MAT1A: variants seen among roughly 807,000 people sequenced by gnomAD.
MAT1A encodes methionine adenosyltransferase 1A.
In MAT1A, 19 loss-of-function variants were observed where a neutral mutation model predicts 44.0. The ratio of observed to expected loss-of-function variants is 0.43; its 90% CI spans 0.30 to 0.63. MAT1A has a LOEUF of 0.63. MAT1A is among the 30% of genes least tolerant of loss of function. The probability of loss-of-function intolerance (pLI) is 0.12; values close to 1 mark genes in which losing one functional copy is unlikely to be tolerated. For synonymous variants in MAT1A, 205 were observed against 205.6 expected (o/e 1.00, Z 0.03); for missense variants, 397 against 531.0 (o/e 0.75, Z 2.48).
intron 1 of MAT1A, among the ~76,000 whole-genome samples, chr10:80,286,959 C>G (rs1048480516): frequency 6.6e-6 from 1 of 152,180 alleles, no homozygotes; most frequent in Admixed American, 6.5e-5. Context: ...TTTGTTTAAT[C>G]TAGCCTCCTG....
Position 80,289,336 on chromosome 10 carries a change from G to A in MAT1A, c.88C>T (p.Pro30Ser), listed in dbSNP as rs1313052217. ...FTSESVGEGH[P>S]DKICDQISDA... is the part of the protein sequence containing the mutation. The stretch of plus-strand genomic sequence containing the variant: ...CAGTCCAAGACAGCCTACTTACCCG[G>A]GTGTCCCTCTCCCACAGACTCCGAT... The change falls in exon 1 of 9, where the codon CCG becomes TCG. Residue 30 changes from proline to serine, a missense_variant. By Grantham distance (74) the Pro-to-Ser change is moderately conservative (BLOSUM62 -1). Coordinates refer to ENST00000372213, the MANE Select transcript of MAT1A (RefSeq NM_000429.3). 1.2e-6 allele frequency: 2 copies of A among 1,613,776 alleles called. No homozygotes were observed. Among genetic ancestry groups the A allele is most frequent in the Admixed American group, 1.7e-5 (1 of 59,994 alleles).
intron 7 of MAT1A, 25 bp from the exon 8 acceptor site, chr10:80,274,678 G>T (rs765891294): frequency 1.9e-6 from 3 of 1,613,930 alleles, no homozygotes; most frequent in Admixed American, 1.7e-5. Context: ...CAGCGTCAGG[G>T]ATTGAAGCCT....
intron 1 of MAT1A, 44 bp from the exon 2 acceptor site, chr10:80,285,633 G>T: frequency 1.5e-6 from 2 of 1,293,128 alleles, no homozygotes; most frequent in Non-Finnish European, 2.3e-6. Flanking sequence ...AAATATTCGG[G>T]ATAACAAATT....
chr10:80,277,342 A>G (rs1358290163), intron 5 of MAT1A, among the ~76,000 whole-genome samples: 1 of 152,142 alleles, frequency 6.6e-6, no homozygotes, highest in African/African-American at 2.4e-5. Flanking sequence ...CTGTGCCTGC[A>G]GCAAACTCTC....
At chr10:80,276,870 C>T (rs1283813881) in intron 5 of MAT1A, among the ~76,000 whole-genome samples, 4 of 152,222 alleles carry the variant, frequency 2.6e-5, no homozygotes, top group African/African-American at 4.8e-5. Flanking sequence ...AACTTCTGAC[C>T]CACTACATGT....
At chr10:80,274,730 T>C in intron 7 of MAT1A, 77 bp from the exon 8 acceptor site, 1 of 1,590,920 alleles carries the variant, frequency 6.3e-7, no homozygotes, top group African/African-American at 1.3e-5. Context: ...GCCCTTCTTC[T>C]GAAGGGACCA....
At chr10:80,285,464 G>T in intron 2 of MAT1A, 48 bp downstream of exon 2, 1 of 1,498,150 alleles carries the variant, frequency 6.7e-7, no homozygotes, top group Non-Finnish European at 9.3e-7. Flanking sequence ...TAATTTCTCA[G>T]TCTAGCCCAC....
intron 2 of MAT1A, 109 bp downstream of exon 2, chr10:80,285,403 A>G: frequency 3.5e-6 from 3 of 860,316 alleles, no homozygotes; most frequent in South Asian, 2.7e-5. Flanking sequence ...AGAGCAGAGG[A>G]CATGGATTTT....
At chr10:80,281,799 C>T (rs540507905) in intron 3 of MAT1A, among the ~76,000 whole-genome samples, 68 of 152,342 alleles carry the variant, frequency 4.5e-4, no homozygotes, top group African/African-American at 1.6e-3. Context: ...ACAGCCCTTG[C>T]TCCTGGGACT....
chr10:80,277,409 A>T (rs906281041), intron 5 of MAT1A, among the ~76,000 whole-genome samples: 1 of 151,992 alleles, frequency 6.6e-6, no homozygotes, highest in Non-Finnish European at 1.5e-5. Flanking sequence ...TCAAACTCCT[A>T]CTCTGTGTTC....
intron 2 of MAT1A, among the ~76,000 whole-genome samples, chr10:80,285,044 T>C (rs1841625374): frequency 6.6e-6 from 1 of 152,204 alleles, no homozygotes; most frequent in African/African-American, 2.4e-5. Context: ...ACCTAAATCA[T>C]ACCACAAACT....
intron 1 of MAT1A, among the ~76,000 whole-genome samples, chr10:80,287,550 G>C (rs968987594): frequency 1.3e-5 from 2 of 152,160 alleles, no homozygotes; most frequent in East Asian, 1.9e-4. Flanking sequence ...CAATTGATTG[G>C]CTGGCACGTT....
At chr10:80,289,143 G>A (rs1454257281) in intron 1 of MAT1A, among the ~76,000 whole-genome samples, 190 bp downstream of exon 1, 1 of 152,238 alleles carries the variant, frequency 6.6e-6, no homozygotes, top group Non-Finnish European at 1.5e-5. Flanking sequence ...AGTAGTCAAT[G>A]TCTGTGGCAA....
intron 5 of MAT1A, among the ~76,000 whole-genome samples, chr10:80,277,848 C>A (rs1301889055): frequency 6.6e-6 from 1 of 152,258 alleles, no homozygotes; most frequent in African/African-American, 2.4e-5. Flanking sequence ...GAAAAACACA[C>A]CATGGAAAAC....
intron 1 of MAT1A, among the ~76,000 whole-genome samples, chr10:80,286,807 A>C (rs927140720): frequency 2.0e-5 from 3 of 152,246 alleles, no homozygotes; most frequent in Non-Finnish European, 4.4e-5. Context: ...TTTGTTAAGA[A>C]TCCAGATCCA....
chr10:80,275,002 G>T lies in MAT1A; in HGVS notation c.951+15C>A, dbSNP rs1191507523. On this transcript the variant is annotated intron_variant, in intron 7 of 8. Coordinates refer to ENST00000372213, the MANE Select transcript of MAT1A (RefSeq NM_000429.3). ...CTCCACTGCAACAGGACGGTGGTGG[G>T]TGGAGGGGGCTTACCTGGACAAGCA... 3 of 1,550,006 alleles carry T rather than the reference G, an allele frequency of 1.9e-6. No individual in the cohort carries two copies. The highest frequency in any genetic ancestry group is 2.6e-6 in the Non-Finnish European group (3 of 1,147,272).
rs1484187055 is a variant in MAT1A, at chr10:80,285,556, A to G, written c.125T>C (p.Leu42Pro). The change falls in exon 2 of 9, where the codon CTG (leucine) becomes CCG (proline). Residue 42 changes from leucine (L) to proline (P), a missense_variant. Coordinates refer to ENST00000372213, the MANE Select transcript of MAT1A (RefSeq NM_000429.3). ...KICDQISDAV[L>P]DAHLKQDPNA... ...GGGGTCTTGCTTGAGATGGGCATCC[A>G]GCACTGCATCACTGATCTGGTCACA... is the stretch of plus-strand genomic sequence containing the variant. 6.2e-7 allele frequency: 1 copy of G among 1,614,162 alleles called. No individual in the cohort carries two copies. Among genetic ancestry groups the G allele is most frequent in the Non-Finnish European group, 8.5e-7 (1 of 1,179,990 alleles).
rs960628476 is a variant in MAT1A at position 80,273,402 on chromosome 10, C to T, written c.*379G>A. 3.2e-6 allele frequency: 1 copy of T among 310,516 alleles called. No homozygotes were observed. The highest frequency in any genetic ancestry group is 6.3e-6 in the Non-Finnish European group (1 of 158,334). 19.2% of individuals were successfully genotyped at this position (310,516 alleles called of 1,614,324 possible). ...CCAGGCCCACAAGGAGCCCTGAGGC[C>T]TGTTGAGATGTGCTGACCTCACCTG... On this transcript the variant is annotated 3_prime_UTR_variant, in exon 9 of 9. Transcript: ENST00000372213.
At chr10:80,281,949 T>C (rs1841572893) in intron 3 of MAT1A, among the ~76,000 whole-genome samples, 1 of 152,184 alleles carries the variant, frequency 6.6e-6, no homozygotes, top group South Asian at 2.1e-4. Flanking sequence ...TGCATGTCCC[T>C]GGACCTGCCT....
Sources: allele counts gnomAD v4.1 joint callset (sites outside exome capture counted in the v4.1 genomes callset), GRCh38; gene constraint gnomAD v4.1.1; transcripts MANE v1.5; gene names NCBI Gene and HGNC (gene_info 2026-07-23, HGNC 2026-07-21).